Variants in LRP2 observed in about 807,000 individuals in gnomAD.
The protein encoded by LRP2 is LDL receptor related protein 2.
Under a neutral mutation model 531.0 loss-of-function variants are expected in LRP2, and 172 were observed. That is an observed-to-expected ratio of 0.32 (90% CI 0.29 to 0.37). The LOEUF (loss-of-function observed/expected upper bound fraction) is 0.37, where lower values mean the gene tolerates loss of function less well. Ranked by LOEUF, LRP2 falls within the 10% of genes least tolerant of loss-of-function variation. The probability of loss-of-function intolerance (pLI) is 1.00; values close to 1 mark genes in which losing one functional copy is unlikely to be tolerated. For missense variants in LRP2, 5,167 were observed against 5,868.3 expected (o/e 0.88, Z 3.90); for synonymous variants, 1,992 against 2,027.6 (o/e 0.98, Z 0.47).
intron 32 of LRP2, among the ~76,000 whole-genome samples, chr2:169,226,040 G>A (rs907319753): frequency 3.9e-5 from 6 of 152,090 alleles, no homozygotes; most frequent in South Asian, 2.1e-4. Flanking sequence ...TTTTATATTC[G>A]TCGAATATTT....
chr2:169,131,390 TCAG>T (rs1685284336), intron 77 of LRP2, among the ~76,000 whole-genome samples: 1 of 152,052 alleles, frequency 6.6e-6, no homozygotes, highest in Admixed American at 6.5e-5. Flanking sequence ...TTGATTTAAA[TCAG>T]CAGAACAGAA....
chr2:169,176,185 T>A (rs1043454618), intron 54 of LRP2, among the ~76,000 whole-genome samples: 1 of 152,222 alleles, frequency 6.6e-6, no homozygotes, highest in African/African-American at 2.4e-5. Context: ...TTCCTTTCTA[T>A]GAAAGTTTGC....
chr2:169,362,373 C>T lies in LRP2; in HGVS notation c.27G>A (p.Ala9=). ...CGACGAGAGCCAGGAGCAGCGTGCA[C>T]GCCACTGCTGCCGGCCCGCGATCCA... MDRGPAAV[A]CTLLLALVAC... The change falls in exon 1 of 79, where the codon GCG becomes GCA. Residue 9 remains alanine, a synonymous_variant. Transcript: ENST00000649046. The T allele has an allele frequency of 6.4e-7, 1 of 1,569,646 alleles. No individual in the cohort carries two copies. The highest frequency in any genetic ancestry group is 8.6e-7 in the Non-Finnish European group (1 of 1,159,458).
At chr2:169,140,765 C>G (rs1685692640) in intron 71 of LRP2, among the ~76,000 whole-genome samples, 1 of 152,024 alleles carries the variant, frequency 6.6e-6, no homozygotes, top group Non-Finnish European at 1.5e-5. Context: ...TAGAATTTTT[C>G]CCAAAAAACA....
In LRP2 at chr2:169,246,868, A is replaced by G; in HGVS notation, c.3027T>C (p.Asn1009=). The G allele has an allele frequency of 5.0e-6, 8 of 1,614,174 alleles. No homozygotes were observed. The highest frequency in any genetic ancestry group is 6.8e-6 in the Non-Finnish European group (8 of 1,180,024). The change falls in exon 21 of 79, where the codon AAT becomes AAC. Residue 1009 remains asparagine, a synonymous_variant. Coordinates refer to ENST00000649046, the MANE Select transcript of LRP2 (RefSeq NM_004525.3). Reference sequence around the variant, plus strand: ...TTGGGTCCCCCTCGCATGTCAAGTGATTGGAAGCCAGCCTCATTCCATAAG... The same window carrying G: ...TTGGGTCCCCCTCGCATGTCAAGTGGTTGGAAGCCAGCCTCATTCCATAAG... ...GCPYGMRLAS[N]HLTCEGDPTN...
At position 169,232,066 on chromosome 2, in the gene LRP2, G is replaced by A. The variant is rs115050781; in HGVS notation, c.5099-224C>T. On this transcript the variant is annotated intron_variant, in intron 30 of 78. Coordinates refer to ENST00000649046, the MANE Select transcript of LRP2 (RefSeq NM_004525.3). The stretch of plus-strand genomic sequence containing the variant: ...TAGAATTCATAAGAGACACGAGAGA[G>A]GAGAATGACTCAAGGTTACAGATCA... Among the ~76,000 whole-genome samples the A allele has an allele frequency of 8.2e-3, 1,246 of 152,262 alleles. 12 individuals are homozygous for A. Among genetic ancestry groups the A allele is most frequent in the Middle Eastern group, 0.014 (4 of 294 alleles).
intron 11 of LRP2, 108 bp downstream of exon 11, chr2:169,280,241 CT>C: frequency 1.6e-6 from 2 of 1,233,618 alleles, no homozygotes; most frequent in Non-Finnish European, 2.3e-6. Flanking sequence ...TCTCAAGGGC[CT>C]TTTTTGTTAG....
intron 1 of LRP2, among the ~76,000 whole-genome samples, chr2:169,341,779 C>T (rs1277283944): frequency 6.6e-6 from 1 of 151,816 alleles, no homozygotes; most frequent in Non-Finnish European, 1.5e-5. Flanking sequence ...ATGGTATCTA[C>T]CTCCCTGGAG....
chr2:169,155,540 C>G (rs1237280124), intron 65 of LRP2, among the ~76,000 whole-genome samples: 5 of 152,128 alleles, frequency 3.3e-5, no homozygotes, highest in Non-Finnish European at 1.5e-5. Context: ...AAATAAAGTG[C>G]TATTTTCTTA....
Position 169,129,020 on chromosome 2 carries a change from T to A in LRP2, c.13793A>T (p.Tyr4598Phe), listed in dbSNP as rs769866427. Residue 4598 changes from tyrosine (Y) to phenylalanine (F), a missense_variant, in exon 78 of 79, where the codon TAT becomes TTT. Tyr to Phe is a conservative substitution (Grantham distance 22, BLOSUM62 3). Coordinates refer to ENST00000649046, the MANE Select transcript of LRP2 (RefSeq NM_004525.3). Reference sequence around the variant, plus strand: ...AAAATTGTTAAAAATTACCTGTGCATAGATTGGATTTTCAAAGTTGGTAGT... The same window carrying A: ...AAAATTGTTAAAAATTACCTGTGCAAAGATTGGATTTTCAAAGTTGGTAGT... ...KQTTNFENPI[Y>F]AQMENEQKES... 2.5e-5 allele frequency: 41 copies of A among 1,608,260 alleles called. No individual in the cohort carries two copies. The highest frequency in any genetic ancestry group is 5.0e-5 in the Admixed American group (3 of 59,992).
At position 169,188,117 on chromosome 2, in the gene LRP2, A is replaced by T; in HGVS notation, c.9181T>A (p.Ser3061Thr). The change falls in exon 49 of 79, where the codon TCT becomes ACT. Residue 3061 changes from serine to threonine, a missense_variant. Transcript: ENST00000649046. ...TGGCACAGGTGCATCAGCTCATCAGATCCGTCTCCACAGTCATTATCCTCA... is the reference window on the plus strand; with the variant it reads ...TGGCACAGGTGCATCAGCTCATCAGTTCCGTCTCCACAGTCATTATCCTCA... ...CDEDNDCGDGSDELMHLCHTP... is the reference protein window; with the variant it reads ...CDEDNDCGDGTDELMHLCHTP... 1 of 1,613,960 alleles carries T rather than the reference A, an allele frequency of 6.2e-7. No homozygotes were observed.
intron 37 of LRP2, among the ~76,000 whole-genome samples, chr2:169,210,003 GAT>G (rs1414748009): frequency 1.3e-5 from 2 of 151,682 alleles, no homozygotes; most frequent in South Asian, 2.1e-4. Context: ...TCAAAAGAAG[GAT>G]TACAGTAATT....
intron 4 of LRP2, among the ~76,000 whole-genome samples, chr2:169,299,871 C>T (rs1684244221): frequency 2.0e-5 from 3 of 152,112 alleles, no homozygotes; most frequent in Non-Finnish European, 4.4e-5. Context: ...AATGGTGTGG[C>T]TCAGCCTCCC....
intron 41 of LRP2, 70 bp from the exon 42 acceptor site, chr2:169,204,341 A>G (rs535664912): frequency 1.8e-4 from 246 of 1,374,848 alleles, no homozygotes; most frequent in Admixed American, 8.0e-4. Context: ...TGGCAGCCCA[A>G]TGCATGCGCC....
chr2:169,178,086 G>A, intron 52 of LRP2, 60 bp from the exon 53 acceptor site: 3 of 1,232,150 alleles, frequency 2.4e-6, no homozygotes, highest in Non-Finnish European at 3.5e-6. Context: ...CTAATGTCTT[G>A]CAGGATAAAA....
chr2:169,234,653 C>T (rs138858316), intron 29 of LRP2, among the ~76,000 whole-genome samples: 2,792 of 152,126 alleles, frequency 0.018, 87 homozygotes, highest in African/African-American at 0.064. Flanking sequence ...AATGGGATTG[C>T]TGGGTCAAAT....
intron 48 of LRP2, among the ~76,000 whole-genome samples, chr2:169,189,684 C>T (rs909836785): frequency 2.6e-5 from 4 of 152,168 alleles, no homozygotes; most frequent in Non-Finnish European, 5.9e-5. Flanking sequence ...ATGGGGAGCA[C>T]ACTTTCTGCC....
At chr2:169,303,832 T>A (rs1166415088) in intron 4 of LRP2, among the ~76,000 whole-genome samples, 2 of 152,206 alleles carry the variant, frequency 1.3e-5, no homozygotes, top group African/African-American at 2.4e-5. Flanking sequence ...ATGACTTGTA[T>A]GATTCCAGAA....
At chr2:169,168,187 C>T (rs1686859714) in intron 61 of LRP2, among the ~76,000 whole-genome samples, 1 of 151,210 alleles carries the variant, frequency 6.6e-6, no homozygotes, top group African/African-American at 2.4e-5. Flanking sequence ...TTCAGGGGCA[C>T]CCAAAGTAGG....
Sources: allele counts gnomAD v4.1 joint callset (sites outside exome capture counted in the v4.1 genomes callset), GRCh38; gene constraint gnomAD v4.1.1; transcripts MANE v1.5; gene names NCBI Gene and HGNC (gene_info 2026-07-23, HGNC 2026-07-21).